TMEM200A: variants seen among roughly 807,000 people sequenced by gnomAD.
TMEM200A encodes the protein transmembrane protein 200A.
TMEM200A carries 12 observed loss-of-function variants against 24.3 expected under a neutral mutation model. The observed-to-expected ratio is 0.49, with a 90% CI of 0.32 to 0.80. TMEM200A has a LOEUF of 0.80. Among genes scored for constraint, TMEM200A ranks in the 30% least tolerant of loss-of-function variants. The pLI is 0.04. For missense variants in TMEM200A, 545 were observed against 614.4 expected (o/e 0.89, Z 1.19); for synonymous variants, 224 against 224.4 (o/e 1.00, Z 0.02).
chr6:130,401,250 A>G (rs564599534), intron 2 of TMEM200A, among the ~76,000 whole-genome samples: 13 of 152,040 alleles, frequency 8.6e-5, no homozygotes, highest in African/African-American at 3.1e-4. Context: ...GCATCTTTTC[A>G]CAGCAGTAAA....
chr6:130,418,401 C>G (rs985432713), intron 2 of TMEM200A, among the ~76,000 whole-genome samples: 3 of 152,152 alleles, frequency 2.0e-5, no homozygotes, highest in Admixed American at 2.0e-4. Context: ...TCTAGAGCCA[C>G]TCATGAACCA....
At chr6:130,375,749 T>G (rs908897475) in intron 1 of TMEM200A, among the ~76,000 whole-genome samples, 1 of 152,106 alleles carries the variant, frequency 6.6e-6, no homozygotes, top group African/African-American at 2.4e-5. Context: ...GGAAAGCCAT[T>G]AGAAGGTTGC....
At chr6:130,423,255 C>A (rs1452927238) in intron 2 of TMEM200A, among the ~76,000 whole-genome samples, 5 of 152,134 alleles carry the variant, frequency 3.3e-5, no homozygotes, top group Non-Finnish European at 7.4e-5. Flanking sequence ...GAGTCAGCAG[C>A]TGAATATAGA....
In TMEM200A at chr6:130,440,976, A is replaced by G; in HGVS notation, c.554A>G (p.Tyr185Cys). 6.2e-7 allele frequency: 1 copy of G among 1,614,152 alleles called. No homozygotes were observed. Among genetic ancestry groups the G allele is most frequent in the Non-Finnish European group, 8.5e-7 (1 of 1,180,012 alleles). ...IKEQRQMNGM[Y>C]TGLMGETEVK... ...GAGCAAAGGCAAATGAACGGCATGT[A>G]CACTGGTTTGATGGGAGAAACAGAA... Residue 185 changes from tyrosine to cysteine, a missense_variant, in exon 3 of 3, where the codon TAC becomes TGC. Coordinates refer to ENST00000296978, the MANE Select transcript of TMEM200A (RefSeq NM_001258277.2).
intron 2 of TMEM200A, among the ~76,000 whole-genome samples, chr6:130,418,069 A>C (rs867504995): frequency 6.6e-6 from 1 of 152,100 alleles, no homozygotes; most frequent in South Asian, 2.1e-4. Context: ...GCAGACCTTC[A>C]CTAGTGTGAG....
chr6:130,378,120 C>T (rs1443814660), intron 1 of TMEM200A, among the ~76,000 whole-genome samples: 4 of 152,096 alleles, frequency 2.6e-5, no homozygotes, highest in African/African-American at 9.7e-5. Flanking sequence ...CAGGGGCTCA[C>T]AGAGGGTGTT....
intron 1 of TMEM200A, among the ~76,000 whole-genome samples, chr6:130,368,852 G>A (rs1778244389): frequency 6.6e-6 from 1 of 152,240 alleles, no homozygotes; most frequent in South Asian, 2.1e-4. Flanking sequence ...TTAGGTGGCT[G>A]TGGGTAAGTG....
At position 130,441,272 on chromosome 6, in the gene TMEM200A, T is replaced by C; in HGVS notation, c.850T>C (p.Ser284Pro). 1 of 1,614,142 alleles carries C rather than the reference T, an allele frequency of 6.2e-7. No homozygotes were observed. Among genetic ancestry groups the C allele is most frequent in the Non-Finnish European group, 8.5e-7 (1 of 1,179,992 alleles). ...TGAAACCAAGTCAATTGTGTCATCG[T>C]CCATCAGTGCTTTTACATTGCCTGT... ...KCETKSIVSS[S>P]ISAFTLPVIK... The change falls in exon 3 of 3, where the codon TCC becomes CCC. Residue 284 changes from serine to proline, a missense_variant. Ser to Pro is a moderately conservative substitution (Grantham distance 74, BLOSUM62 -1). Transcript: ENST00000296978.
chr6:130,440,441 G>C lies in TMEM200A; in HGVS notation c.19G>C (p.Val7Leu), dbSNP rs1230357019. Reference sequence around the variant, plus strand: ...CCAAGCTATGATAGCAACTGGTGGAGTGATAACTGGCCTGGCCGCCTTGAA... The same window carrying C: ...CCAAGCTATGATAGCAACTGGTGGACTGATAACTGGCCTGGCCGCCTTGAA... MIATGG[V>L]ITGLAALKRQ... The change falls in exon 3 of 3, where the codon GTG (valine) becomes CTG (leucine). Residue 7 changes from valine to leucine, a missense_variant. Val to Leu is a conservative substitution (Grantham distance 32). Transcript: ENST00000296978. The C allele has an allele frequency of 3.2e-6, 5 of 1,580,418 alleles. No individual in the cohort carries two copies. Among genetic ancestry groups the C allele is most frequent in the Non-Finnish European group, 4.3e-6 (5 of 1,165,298 alleles).
intron 2 of TMEM200A, among the ~76,000 whole-genome samples, chr6:130,430,638 G>A (rs1779853292): frequency 1.3e-5 from 2 of 151,976 alleles, no homozygotes; most frequent in Non-Finnish European, 1.5e-5. Context: ...AAAACCCCTG[G>A]ATGTCCCTTA....
intron 2 of TMEM200A, among the ~76,000 whole-genome samples, chr6:130,411,043 C>T (rs1779317979): frequency 6.6e-6 from 1 of 152,122 alleles, no homozygotes; most frequent in African/African-American, 2.4e-5. Context: ...GTGATGCATG[C>T]TTGTAATCCC....
intron 2 of TMEM200A, among the ~76,000 whole-genome samples, chr6:130,422,688 C>T (rs1779626906): frequency 6.6e-6 from 1 of 152,130 alleles, no homozygotes; most frequent in Admixed American, 6.6e-5. Context: ...TTGTTACGGA[C>T]TGCAAATTCC....
At chr6:130,379,176 T>G (rs1778537811) in intron 1 of TMEM200A, among the ~76,000 whole-genome samples, 1 of 152,204 alleles carries the variant, frequency 6.6e-6, no homozygotes, top group African/African-American at 2.4e-5. Flanking sequence ...GAGGACACAT[T>G]CAAACCATAG....
At chr6:130,415,262 G>C (rs992743118) in intron 2 of TMEM200A, among the ~76,000 whole-genome samples, 2 of 152,238 alleles carry the variant, frequency 1.3e-5, no homozygotes, top group African/African-American at 4.8e-5. Context: ...CTCAAAGAGA[G>C]GGTTTTTCTT....
At chr6:130,387,589 A>G (rs755722963) in intron 2 of TMEM200A, among the ~76,000 whole-genome samples, 21 of 152,178 alleles carry the variant, frequency 1.4e-4, no homozygotes, top group Non-Finnish European at 2.6e-4. Context: ...GAGTTCTTAA[A>G]AGGGTAAACA....
intron 2 of TMEM200A, among the ~76,000 whole-genome samples, chr6:130,397,807 C>T (rs1328073431): frequency 1.3e-5 from 2 of 150,730 alleles, no homozygotes; most frequent in East Asian, 3.9e-4. Context: ...TCATTTTTTT[C>T]CTTCTGTTGC....
chr6:130,392,260 A>G (rs1778851885), intron 2 of TMEM200A, among the ~76,000 whole-genome samples: 1 of 152,226 alleles, frequency 6.6e-6, no homozygotes, highest in South Asian at 2.1e-4. Context: ...CCTAGAAAAC[A>G]ATGCATAGCC....
chr6:130,401,947 G>T (rs1211608178), intron 2 of TMEM200A, among the ~76,000 whole-genome samples: 1 of 151,542 alleles, frequency 6.6e-6, no homozygotes, highest in Non-Finnish European at 1.5e-5. Flanking sequence ...CTCTTTATAT[G>T]GTAGGGACAG....
At chr6:130,380,203 A>AT (rs1778562205) in intron 1 of TMEM200A, among the ~76,000 whole-genome samples, 1 of 152,230 alleles carries the variant, frequency 6.6e-6, no homozygotes, top group Non-Finnish European at 1.5e-5. Context: ...GAATAGACAT[A>AT]GTCGTACCTT....
Sources: gnomAD v4.1 joint callset for allele counts (sites outside exome capture counted in the v4.1 genomes callset) on GRCh38, gnomAD v4.1.1 for gene constraint, MANE v1.5 for transcripts, NCBI Gene and HGNC (gene_info 2026-07-23, HGNC 2026-07-21) for gene names.